Variants in TNR observed in about 807,000 individuals in gnomAD.
TNR encodes the protein tenascin-R.
TNR carries 45 observed loss-of-function variants against 150.4 expected under a neutral mutation model. The observed-to-expected ratio is 0.30, with a 90% CI of 0.24 to 0.38. The LOEUF (loss-of-function observed/expected upper bound fraction) is 0.38, where lower values mean the gene tolerates loss of function less well. TNR is among the 10% of genes least tolerant of loss of function. The pLI is 1.00. For synonymous variants in TNR, 687 were observed against 678.4 expected (o/e 1.01, Z -0.20); for missense variants, 1,544 against 1,759.1 (o/e 0.88, Z 2.19).
Position 175,557,151 on chromosome 1 carries a change from G to A in TNR, c.-164-28782C>T, listed in dbSNP as rs556438702. ...CAACAAGCCAGAAGGAAATGAATTC[G>A]CTAACAACCACATGACACTGGAAGC... On this transcript the variant is annotated intron_variant, in intron 1 of 22. Coordinates refer to ENST00000367674, the MANE Select transcript of TNR (RefSeq NM_003285.3). Among the ~76,000 whole-genome samples, 12 of 152,236 alleles carry A rather than the reference G, an allele frequency of 7.9e-5. No homozygotes were observed. In the South Asian group the frequency reaches 1.7e-3, roughly 21 times the overall value.
In TNR at chr1:175,335,864, G is replaced by T. The variant is rs1306357982; in HGVS notation, c.3535-57C>A. The T allele has an allele frequency of 4.8e-6, 7 of 1,471,856 alleles. No homozygotes were observed. In the African/African-American group the frequency reaches 5.7e-5, roughly 12 times the overall value. The allele number at this position is 1,471,856 out of a possible 1,614,324, so 91.2% of individuals were successfully genotyped here. On this transcript the variant is annotated intron_variant, in intron 19 of 22. Coordinates refer to ENST00000367674, the MANE Select transcript of TNR (RefSeq NM_003285.3). ...CAAACAAAAAAACAAAACCCAAAGA[G>T]ATGCTAAGGAAAATAAACTGTGATA...
intron 2 of TNR, among the ~76,000 whole-genome samples, chr1:175,417,343 G>C (rs1284861750): frequency 2.6e-5 from 4 of 152,102 alleles, no homozygotes; most frequent in Admixed American, 6.5e-5. Flanking sequence ...GGGTGGGAGA[G>C]GGGGCGGCAA....
At chr1:175,710,075 G>A (rs1666965844) in intron 1 of TNR, among the ~76,000 whole-genome samples, 1 of 152,068 alleles carries the variant, frequency 6.6e-6, no homozygotes, top group Non-Finnish European at 1.5e-5. Flanking sequence ...TTATTCGAGG[G>A]TCACTTAGGT....
At chr1:175,456,638 TTAA>T (rs1332953048) in intron 2 of TNR, among the ~76,000 whole-genome samples, 2 of 152,222 alleles carry the variant, frequency 1.3e-5, no homozygotes, top group African/African-American at 4.8e-5. Flanking sequence ...GAGATTTTTT[TTAA>T]GTTAGCAGCT....
At chr1:175,343,657 C>T (rs1180011288) in intron 18 of TNR, among the ~76,000 whole-genome samples, 1 of 152,186 alleles carries the variant, frequency 6.6e-6, no homozygotes, top group Non-Finnish European at 1.5e-5. Context: ...ATTCATCACT[C>T]AGCACTTAGA....
intron 1 of TNR, among the ~76,000 whole-genome samples, chr1:175,668,699 A>T (rs1259134389): frequency 6.6e-6 from 1 of 152,210 alleles, no homozygotes; most frequent in Non-Finnish European, 1.5e-5. Flanking sequence ...GACCGGCACC[A>T]TGCTAATATT....
intron 1 of TNR, among the ~76,000 whole-genome samples, chr1:175,551,651 A>C (rs920300204): frequency 6.6e-6 from 1 of 152,232 alleles, no homozygotes; most frequent in Non-Finnish European, 1.5e-5. Context: ...GTTTGCTAAC[A>C]ATTGTAATTA....
At chr1:175,341,795 C>T (rs1650534645) in intron 18 of TNR, among the ~76,000 whole-genome samples, 1 of 152,212 alleles carries the variant, frequency 6.6e-6, no homozygotes, top group African/African-American at 2.4e-5. Context: ...CAGTGTTGCG[C>T]CATAGAAGTG....
rs531602493 is a variant in TNR, at chr1:175,480,679, C to T, written c.-64+47590G>A. Among the ~76,000 whole-genome samples the T allele has an allele frequency of 1.4e-3, 213 of 152,270 alleles. 1 individual carries two copies. Among genetic ancestry groups the T allele is most frequent in the Middle Eastern group, 6.8e-3 (2 of 294 alleles). On this transcript the variant is annotated intron_variant, in intron 2 of 22. Coordinates refer to ENST00000367674, the MANE Select transcript of TNR (RefSeq NM_003285.3). ...AGGATTTTAGAGGAAAGTTTACAGA[C>T]GTTAAGAGGCTCACCTGAAATCGGA...
intron 12 of TNR, 137 bp from the exon 13 acceptor site, chr1:175,363,964 T>C: frequency 9.3e-7 from 1 of 1,078,324 alleles, no homozygotes; most frequent in Non-Finnish European, 1.3e-6. Flanking sequence ...ATAGGGTATC[T>C]TAAAACCATG....
chr1:175,674,170 G>A (rs1240449155), intron 1 of TNR, among the ~76,000 whole-genome samples: 1 of 152,204 alleles, frequency 6.6e-6, no homozygotes, highest in Admixed American at 6.5e-5. Flanking sequence ...GGGAGGAGAT[G>A]CAAAGGGAGG....
At chr1:175,359,533 T>G in intron 15 of TNR, 79 bp downstream of exon 15, 1 of 1,607,376 alleles carries the variant, frequency 6.2e-7, no homozygotes. Flanking sequence ...AAATGTTTTG[T>G]TTATTCACAT....
chr1:175,457,697 G>C (rs952610239), intron 2 of TNR, among the ~76,000 whole-genome samples: 1 of 152,130 alleles, frequency 6.6e-6, no homozygotes, highest in African/African-American at 2.4e-5. Flanking sequence ...ACTTTGTCTT[G>C]GGTACTGAGA....
At chr1:175,583,751 A>G (rs1418397794) in intron 1 of TNR, among the ~76,000 whole-genome samples, 1 of 152,228 alleles carries the variant, frequency 6.6e-6, no homozygotes, top group African/African-American at 2.4e-5. Flanking sequence ...ATGGGCAGGC[A>G]TGGTGAGGGT....
At chr1:175,418,212 C>T (rs566382414) in intron 2 of TNR, among the ~76,000 whole-genome samples, 4 of 152,102 alleles carry the variant, frequency 2.6e-5, no homozygotes, top group African/African-American at 9.6e-5. Flanking sequence ...AAGTCTCAGG[C>T]GACCCCCTGT....
intron 3 of TNR, among the ~76,000 whole-genome samples, chr1:175,404,758 T>G (rs1250637874): frequency 6.6e-6 from 1 of 152,132 alleles, no homozygotes; most frequent in Non-Finnish European, 1.5e-5. Flanking sequence ...AGCTGCAGAG[T>G]CCATGCTCAT....
chr1:175,350,210 C>A (rs777726203), intron 18 of TNR, among the ~76,000 whole-genome samples: 5 of 152,196 alleles, frequency 3.3e-5, no homozygotes, highest in African/African-American at 4.8e-5. Flanking sequence ...TGTGGAAGGG[C>A]AGGGACAGGA....
In TNR at chr1:175,364,146, CAT is replaced by C. The variant is rs200945063; in HGVS notation, c.2588-321_2588-320del. On this transcript the variant is annotated intron_variant, in intron 12 of 22. Transcript: ENST00000367674. ...ATGTTTTGTTTTGAATTGGGAGAAA[CAT>C]AGGCATTTTCTCTGAGGTAATTTTT... Among the ~76,000 whole-genome samples the C allele has an allele frequency of 3.7e-3, 565 of 152,222 alleles. 7 individuals are homozygous for C. The highest frequency in any genetic ancestry group is 0.013 in the African/African-American group (541 of 41,528).
chr1:175,708,505 A>T (rs749816350), intron 1 of TNR, among the ~76,000 whole-genome samples: 6 of 152,162 alleles, frequency 3.9e-5, no homozygotes, highest in Non-Finnish European at 8.8e-5. Context: ...ATGATTTTCC[A>T]CACACTTTTG....
Sources: gnomAD v4.1 joint callset for allele counts (sites outside exome capture counted in the v4.1 genomes callset) on GRCh38, gnomAD v4.1.1 for gene constraint, MANE v1.5 for transcripts, NCBI Gene and HGNC (gene_info 2026-07-23, HGNC 2026-07-21) for gene names.